The following NAT1 variants were observed in gnomAD, a reference collection of about 807,000 sequenced individuals.
NAT1 encodes arylamine N-acetyltransferase 1.
For synonymous variants in NAT1, 144 were observed against 122.6 expected (o/e 1.17, Z -1.16); for missense variants, 400 against 339.2 (o/e 1.18, Z -1.41).
Position 18,194,239 on chromosome 8 carries a change from C to T in NAT1, n.93-15542C>T, listed in dbSNP as rs145140743. Among the ~76,000 whole-genome samples, 1,351 of 152,210 alleles carry T rather than the reference C, an allele frequency of 8.9e-3. 16 individuals carry two copies. Among genetic ancestry groups the T allele is most frequent in the African/African-American group, 0.03 (1,251 of 41,514 alleles). On this transcript the variant is annotated intron_variant and non_coding_transcript_variant, in intron 2 of 4. Coordinates refer to the NAT1 transcript ENST00000517441. ...AACGTGATTATTAACCAGTAGTGCA[C>T]GGAGCTGCACTGGGCATTTTCTTTG...
intron 2 of NAT1, among the ~76,000 whole-genome samples, chr8:18,201,403 C>A (rs75444921): frequency 0.011 from 1,636 of 152,262 alleles, 15 homozygotes; most frequent in Middle Eastern, 0.078. Context: ...AAGACCCTCA[C>A]TGCAATCAGG....
At chr8:18,179,937 A>T (rs1802445579) in intron 2 of NAT1, among the ~76,000 whole-genome samples, 1 of 152,190 alleles carries the variant, frequency 6.6e-6, no homozygotes, top group Admixed American at 6.5e-5. Flanking sequence ...AAAGAATAAT[A>T]GAGGAGATGT....
At chr8:18,204,696 G>C (rs1803633429) in intron 2 of NAT1, among the ~76,000 whole-genome samples, 1 of 152,068 alleles carries the variant, frequency 6.6e-6, no homozygotes, top group South Asian at 2.1e-4. Flanking sequence ...CTGGAAATTA[G>C]TATTTCTAAG....
intron 2 of NAT1, among the ~76,000 whole-genome samples, chr8:18,175,627 A>G (rs539273252): frequency 3.3e-5 from 5 of 152,240 alleles, no homozygotes; most frequent in African/African-American, 1.2e-4. Context: ...ATGACCACTT[A>G]TGTTGCTTCC....
chr8:18,218,316 T>C (rs1280360830), intron 1 of NAT1, among the ~76,000 whole-genome samples: 1 of 152,184 alleles, frequency 6.6e-6, no homozygotes, highest in East Asian at 1.9e-4. Flanking sequence ...ATGGGCATTA[T>C]GGATGTTGAG....
intron 2 of NAT1, among the ~76,000 whole-genome samples, chr8:18,178,590 A>T (rs571431165): frequency 2.0e-5 from 3 of 152,306 alleles, no homozygotes; most frequent in Non-Finnish European, 4.4e-5. Flanking sequence ...TGAAGAGCTC[A>T]TGAATCAAGT....
chr8:18,195,026 G>T (rs991342468), intron 2 of NAT1, among the ~76,000 whole-genome samples: 2 of 152,078 alleles, frequency 1.3e-5, no homozygotes, highest in African/African-American at 4.8e-5. Flanking sequence ...AGCAGTTTCA[G>T]CAGTGGTCCA....
chr8:18,205,865 G>A (rs908743189), upstream of NAT1, among the ~76,000 whole-genome samples: 5 of 152,172 alleles, frequency 3.3e-5, no homozygotes, highest in Middle Eastern at 6.3e-3. Context: ...TGGGGCCCTG[G>A]GAGAGGCCGG....
intron 2 of NAT1, among the ~76,000 whole-genome samples, chr8:18,187,202 C>T (rs10099426): frequency 1.3e-5 from 2 of 152,034 alleles, no homozygotes; most frequent in Non-Finnish European, 2.9e-5. Context: ...AAAAATAACA[C>T]ATGCTGGCGA....
At chr8:18,200,178 A>G (rs1031738582) in intron 2 of NAT1, among the ~76,000 whole-genome samples, 3 of 152,228 alleles carry the variant, frequency 2.0e-5, no homozygotes, top group African/African-American at 4.8e-5. Flanking sequence ...TGACCCAGCA[A>G]TCCTATTATT....
rs551548004 is a variant in NAT1, at chr8:18,221,780, G to A, written c.-6-262G>A. ...TCACCAAGAGAACCATGAACAAGCT[G>A]TTTATCATTTGACTCATCATTTAAT... is the stretch of plus-strand genomic sequence containing the variant. On this transcript the variant is annotated intron_variant, in intron 2 of 2. Coordinates refer to ENST00000307719, the MANE Select transcript of NAT1 (RefSeq NM_000662.8). 1.2e-5 allele frequency: 4 copies of A among 345,950 alleles called. No individual in the cohort carries two copies. In the South Asian group the frequency reaches 1.5e-4, roughly 13 times the overall value. The allele number at this position is 345,950 out of a possible 1,614,324, so 21.4% of individuals were successfully genotyped here. A position where few individuals can be genotyped will look rare whatever the true frequency, so the allele number is the denominator to read the frequency against.
At chr8:18,194,346 G>C (rs967349760) in intron 2 of NAT1, among the ~76,000 whole-genome samples, 1 of 152,134 alleles carries the variant, frequency 6.6e-6, no homozygotes, top group Non-Finnish European at 1.5e-5. Flanking sequence ...TTTTAGTCAC[G>C]TATATGATCT....
intron 2 of NAT1, among the ~76,000 whole-genome samples, chr8:18,175,575 A>G (rs191232864): frequency 6.6e-6 from 1 of 152,230 alleles, no homozygotes; most frequent in Admixed American, 6.6e-5. Flanking sequence ...ATAGTATTCC[A>G]TTGTGTAATA....
intron 1 of NAT1, among the ~76,000 whole-genome samples, chr8:18,216,076 G>T (rs1461912664): frequency 1.3e-5 from 2 of 151,876 alleles, no homozygotes; most frequent in East Asian, 3.9e-4. Flanking sequence ...TTTTGCATAA[G>T]ATGACATAAA....
rs756584972 is a variant in NAT1, at chr8:18,222,380, G to A, written c.333G>A (p.Gln111=). 8 of 1,614,058 alleles carry A rather than the reference G, an allele frequency of 5.0e-6. No individual in the cohort carries two copies. In the Middle Eastern group the frequency reaches 4.9e-4, roughly 100 times the overall value. Residue 111 remains glutamine, a synonymous_variant, in exon 3 of 3, where the codon CAG becomes CAA. Coordinates refer to ENST00000307719, the MANE Select transcript of NAT1 (RefSeq NM_000662.8). ...CTGGCATGATTCACCTTCTCCTGCA[G>A]GTGACCATTGATGGCAGGAACTACA... The part of the protein sequence containing the change: ...YSTGMIHLLL[Q]VTIDGRNYIV...
At chr8:18,180,297 G>T (rs78938690) in intron 2 of NAT1, among the ~76,000 whole-genome samples, 9 of 152,254 alleles carry the variant, frequency 5.9e-5, no homozygotes, top group East Asian at 1.9e-4. Flanking sequence ...AATGAATTTT[G>T]TCAAGGGGGA....
intron 2 of NAT1, among the ~76,000 whole-genome samples, chr8:18,195,249 T>TA (rs1479454333): frequency 6.6e-6 from 1 of 152,186 alleles, no homozygotes; most frequent in African/African-American, 2.4e-5. Context: ...CGCTAGTCCC[T>TA]AAGGGCATAG....
chr8:18,203,044 T>C, intron 2 of NAT1, among the ~76,000 whole-genome samples: 1 of 152,298 alleles, frequency 6.6e-6, no homozygotes, highest in East Asian at 1.9e-4. Flanking sequence ...AGAGTGCTGA[T>C]TGGTGCATTT....
intron 2 of NAT1, among the ~76,000 whole-genome samples, chr8:18,194,029 A>T (rs555389941): frequency 1.4e-4 from 22 of 152,152 alleles, no homozygotes; most frequent in Non-Finnish European, 2.8e-4. Flanking sequence ...CTGTGGCTTA[A>T]GTAGACATCC....
Sources: allele counts gnomAD v4.1 joint callset (sites outside exome capture counted in the v4.1 genomes callset), GRCh38; gene constraint gnomAD v4.1.1; transcripts MANE v1.5; gene names NCBI Gene and HGNC (gene_info 2026-07-23, HGNC 2026-07-21).